Variants in PRDM16 observed in about 807,000 individuals in gnomAD.
PRDM16 encodes PR/SET domain 16.
PRDM16 carries 23 observed loss-of-function variants against 110.6 expected under a neutral mutation model. The observed-to-expected ratio is 0.21, with a 90% confidence interval of 0.15 to 0.29. PRDM16 has a LOEUF of 0.29. Among genes scored for constraint, PRDM16 ranks in the 10% least tolerant of loss-of-function variants. PRDM16 has a pLI of 1.00. For missense variants in PRDM16, 1,615 were observed against 1,794.3 expected (o/e 0.90, Z 1.81); for synonymous variants, 799 against 781.8 (o/e 1.02, Z -0.37).
At chr1:3,360,774 G>A (rs1217955455) in intron 3 of PRDM16, among the ~76,000 whole-genome samples, 4 of 152,192 alleles carry the variant, frequency 2.6e-5, no homozygotes, top group African/African-American at 9.6e-5. Context: ...TGGCCACAGC[G>A]CCCGCAGATG....
rs1292399837 is a variant in PRDM16 at position 3,409,815 on chromosome 1, ATG to A, written c.1187-1562_1187-1561del. Among the ~76,000 whole-genome samples the A allele has an allele frequency of 7.2e-4, 36 of 49,948 alleles. 1 individual carries two copies. The highest frequency in any genetic ancestry group is 2.4e-3 in the African/African-American group (15 of 6,222). The allele number at this position is 49,948 out of a possible 152,430, so 32.8% of individuals were successfully genotyped here. ...GTGGGTGTGTGTGGTGTATGTGTGC[ATG>A]TGTGTGGTTGTGTGTGGGTGTGTGG... On this transcript the variant is annotated intron_variant, in intron 8 of 16. Coordinates refer to ENST00000270722, the MANE Select transcript of PRDM16 (RefSeq NM_022114.4).
At chr1:3,418,545 G>A (rs569187747) in intron 11 of PRDM16, 122 bp from the exon 12 acceptor site, 2 of 699,576 alleles carry the variant, frequency 2.9e-6, no homozygotes, top group Non-Finnish European at 5.1e-6. Context: ...TGGGATGCTG[G>A]GATGGGTCCA....
chr1:3,282,309 A>G (rs1640725886), intron 3 of PRDM16, among the ~76,000 whole-genome samples: 1 of 152,196 alleles, frequency 6.6e-6, no homozygotes, highest in South Asian at 2.1e-4. Context: ...CAGCTGGCTT[A>G]GCAGGGCGCT....
At chr1:3,380,079 C>T (rs1326629739) in intron 3 of PRDM16, among the ~76,000 whole-genome samples, 2 of 149,936 alleles carry the variant, frequency 1.3e-5, no homozygotes, top group Non-Finnish European at 3.0e-5. Flanking sequence ...CAACACACCC[C>T]TCCTGGCGCA....
chr1:3,415,863 C>T (rs963617471), intron 10 of PRDM16, among the ~76,000 whole-genome samples: 1 of 152,232 alleles, frequency 6.6e-6, no homozygotes, highest in South Asian at 2.1e-4. Flanking sequence ...GGGCAGAAGG[C>T]GCCAGTTACT....
At chr1:3,083,355 C>A (rs543818944) in intron 1 of PRDM16, among the ~76,000 whole-genome samples, 3 of 152,346 alleles carry the variant, frequency 2.0e-5, no homozygotes, top group East Asian at 1.9e-4. Flanking sequence ...CAAGGCAGTG[C>A]GGCCATCTGG....
At chr1:3,349,357 A>C (rs1241296368) in intron 3 of PRDM16, among the ~76,000 whole-genome samples, 1 of 152,166 alleles carries the variant, frequency 6.6e-6, no homozygotes, top group East Asian at 1.9e-4. Context: ...CTGACGTGGC[A>C]CCGTGCTTAA....
chr1:3,351,616 C>CTCTGTCCCG (rs1557626989), intron 3 of PRDM16, among the ~76,000 whole-genome samples: 1 of 61,708 alleles, frequency 1.6e-5, no homozygotes, highest in Non-Finnish European at 3.7e-5. Context: ...CTCTCTCCCC[C>CTCTGTCCCG]TCCCTCTCTC....
intron 3 of PRDM16, among the ~76,000 whole-genome samples, chr1:3,281,888 G>A (rs1402078423): frequency 6.6e-6 from 1 of 152,252 alleles, no homozygotes; most frequent in Non-Finnish European, 1.5e-5. Flanking sequence ...GGGTGCTCAG[G>A]GAGACTGGAG....
chr1:3,235,507 G>A (rs1397148280), intron 2 of PRDM16, among the ~76,000 whole-genome samples: 2 of 152,214 alleles, frequency 1.3e-5, no homozygotes, highest in Non-Finnish European at 2.9e-5. Flanking sequence ...CTCGGGGACA[G>A]GGGCCTGCAG....
intron 10 of PRDM16, among the ~76,000 whole-genome samples, chr1:3,415,454 C>T (rs902314934): frequency 4.6e-5 from 7 of 152,396 alleles, no homozygotes; most frequent in African/African-American, 9.6e-5. Context: ...GGCCCCCCAC[C>T]TGGTTTGTGA....
Position 3,434,771 on chromosome 1 carries a change from C to G in PRDM16, c.*960C>G, listed in dbSNP as rs1428994913. ...CGCCATGCAGAGATGTGGCCGGGCA[C>G]CCATCTTCCTTCCCTCCTCTGTCCC... is the stretch of plus-strand genomic sequence containing the variant. On this transcript the variant is annotated 3_prime_UTR_variant, in exon 17 of 17. Transcript: ENST00000270722. 4.3e-6 allele frequency: 1 copy of G among 232,396 alleles called. No individual in the cohort carries two copies. Among genetic ancestry groups the G allele is most frequent in the African/African-American group, 2.2e-5 (1 of 45,278 alleles). 14.4% of individuals were successfully genotyped at this position (232,396 alleles called of 1,614,324 possible). A position where few individuals can be genotyped will look rare whatever the true frequency, so the allele number is the denominator to read the frequency against.
intron 1 of PRDM16, among the ~76,000 whole-genome samples, chr1:3,167,374 G>A (rs1449589357): frequency 6.6e-6 from 1 of 152,138 alleles, no homozygotes; most frequent in East Asian, 1.9e-4. Context: ...AGGCCTGCGT[G>A]GGAGAGCCTC....
At chr1:3,403,446 G>A (rs1643508342) in intron 6 of PRDM16, among the ~76,000 whole-genome samples, 1 of 152,230 alleles carries the variant, frequency 6.6e-6, no homozygotes, top group South Asian at 2.1e-4. Context: ...GATTCATGGT[G>A]GCCCCACCCT....
chr1:3,089,968 G>T (rs1168846438), intron 1 of PRDM16, among the ~76,000 whole-genome samples: 2 of 152,142 alleles, frequency 1.3e-5, no homozygotes, highest in African/African-American at 4.8e-5. Flanking sequence ...ACTTTTTACG[G>T]GTGGTCCCTA....
intron 1 of PRDM16, among the ~76,000 whole-genome samples, chr1:3,073,878 G>A (rs1641826939): frequency 6.6e-6 from 1 of 152,252 alleles, no homozygotes; most frequent in South Asian, 2.1e-4. Flanking sequence ...GCGGAGGAGG[G>A]CGGCCTCCGC....
intron 1 of PRDM16, among the ~76,000 whole-genome samples, chr1:3,155,674 C>T (rs1201566459): frequency 6.6e-6 from 1 of 152,264 alleles, no homozygotes; most frequent in Non-Finnish European, 1.5e-5. Flanking sequence ...CAAACAGCGC[C>T]GTTTTCCACT....
intron 1 of PRDM16, among the ~76,000 whole-genome samples, chr1:3,165,500 G>A (rs868847291): frequency 2.4e-5 from 2 of 83,270 alleles, no homozygotes; most frequent in South Asian, 5.4e-4. Flanking sequence ...TGGGCTCAGG[G>A]ACAGGGACTC....
At chr1:3,421,041 C>T (rs1405285823) in intron 12 of PRDM16, among the ~76,000 whole-genome samples, 3 of 152,232 alleles carry the variant, frequency 2.0e-5, no homozygotes, top group African/African-American at 4.8e-5. Flanking sequence ...GAAGCTGGAG[C>T]GTGCAAGGGA....
Sources: allele counts gnomAD v4.1 joint callset (sites outside exome capture counted in the v4.1 genomes callset), GRCh38; gene constraint gnomAD v4.1.1; transcripts MANE v1.5; gene names NCBI Gene and HGNC (gene_info 2026-07-23, HGNC 2026-07-21).